Variants in NF2 observed in about 807,000 individuals in gnomAD.
NF2 encodes merlin.
In NF2, 8 loss-of-function variants were observed where a neutral mutation model predicts 83.7. The ratio of observed to expected loss-of-function variants is 0.10; its 90% CI spans 0.06 to 0.17. NF2 has a LOEUF of 0.17. Among genes scored for constraint, NF2 ranks in the 10% least tolerant of loss-of-function variants. The pLI is 1.00. For missense variants in NF2, 533 were observed against 744.4 expected (o/e 0.72, Z 3.31); for synonymous variants, 266 against 269.6 (o/e 0.99, Z 0.13).
In NF2 at chr22:29,675,041, T is replaced by C; in HGVS notation, c.1446+100T>C. The C allele has an allele frequency of 2.1e-5, 21 of 994,800 alleles. No individual in the cohort carries two copies. The South Asian group carries it at 3.0e-4, about 14-fold the overall frequency. 61.6% of individuals were successfully genotyped at this position (994,800 alleles called of 1,614,324 possible). ...TCTGGCGGTGCCTTCAGGGTGACCA[T>C]TCAGGCAAACACATGGCTGGATGAG... On this transcript the variant is annotated intron_variant, in intron 13 of 15. Transcript: ENST00000338641.
At chr22:29,640,745 C>A (rs557075539) in intron 3 of NF2, among the ~76,000 whole-genome samples, 28 of 145,996 alleles carry the variant, frequency 1.9e-4, no homozygotes, top group Non-Finnish European at 3.7e-4. Flanking sequence ...CCCCTAAATT[C>A]TTTTTAAAAA....
intron 15 of NF2, chr22:29,683,297 T>C (rs1188583389): frequency 6.2e-6 from 9 of 1,441,300 alleles, no homozygotes; most frequent in African/African-American, 1.4e-5. Context: ...GAGCATGTCA[T>C]GGGGCTGTAG....
intron 4 of NF2, among the ~76,000 whole-genome samples, chr22:29,646,812 G>A (rs1322274584): frequency 1.3e-5 from 2 of 152,148 alleles, no homozygotes; most frequent in Non-Finnish European, 2.9e-5. Context: ...GGGAGGCCAA[G>A]GAGGATGGAT....
At chr22:29,628,176 G>A (rs920357033) in intron 1 of NF2, among the ~76,000 whole-genome samples, 1 of 150,916 alleles carries the variant, frequency 6.6e-6, no homozygotes, top group Non-Finnish European at 1.5e-5. Context: ...GTGTGTGTGT[G>A]TGTGTGTGTA....
chr22:29,678,258 C>T lies in NF2; in HGVS notation c.1509C>T (p.Asp503=), dbSNP rs2067025973. The T allele has an allele frequency of 6.2e-7, 1 of 1,614,030 alleles. No homozygotes were observed. The highest frequency in any genetic ancestry group is 8.5e-7 in the Non-Finnish European group (1 of 1,180,008). Residue 503 remains aspartate, a synonymous_variant, in exon 14 of 16, where the codon GAC becomes GAT. Coordinates refer to ENST00000338641, the MANE Select transcript of NF2 (RefSeq NM_000268.4). Reference sequence around the variant, plus strand: ...TACCAAGCTTCAACCTCATTGGTGACAGCCTGTCTTTCGACTTCAAAGATA... The same window carrying T: ...TACCAAGCTTCAACCTCATTGGTGATAGCCTGTCTTTCGACTTCAAAGATA... ...PDIPSFNLIG[D]SLSFDFKDTD...
At chr22:29,646,131 A>G (rs907079792) in intron 4 of NF2, among the ~76,000 whole-genome samples, 16 of 152,338 alleles carry the variant, frequency 1.1e-4, no homozygotes, top group Admixed American at 2.6e-4. Flanking sequence ...CACTCAGTGT[A>G]GTCTTTCCAG....
At chr22:29,641,174 CT>C (rs1197037650) in intron 3 of NF2, among the ~76,000 whole-genome samples, 2 of 133,760 alleles carry the variant, frequency 1.5e-5, no homozygotes, top group Non-Finnish European at 3.3e-5. Flanking sequence ...TATAGCGTTG[CT>C]TTTTCCCCCC....
Position 29,697,129 on chromosome 22 carries a change from T to A in NF2, c.*2327T>A, listed in dbSNP as rs1305059641. 3 of 201,830 alleles carry A rather than the reference T, an allele frequency of 1.5e-5. No homozygotes were observed. The highest frequency in any genetic ancestry group is 3.1e-5 in the Non-Finnish European group (3 of 97,986). 12.5% of individuals were successfully genotyped at this position (201,830 alleles called of 1,614,324 possible). A position where few individuals can be genotyped will look rare whatever the true frequency, so the allele number is the denominator to read the frequency against. ...ACCATGCCCGGTCTCTTCTCAGTCT[T>A]GAAGCCCATCCCTGGATTTCCACCA... On this transcript the variant is annotated 3_prime_UTR_variant, in exon 16 of 16. Transcript: ENST00000338641.
chr22:29,629,847 C>T (rs912474980), intron 1 of NF2, among the ~76,000 whole-genome samples: 1 of 152,230 alleles, frequency 6.6e-6, no homozygotes, highest in Non-Finnish European at 1.5e-5. Flanking sequence ...TTGCTTCTCT[C>T]TTAGCTTTTT....
chr22:29,632,324 T>C (rs1453584250), intron 1 of NF2, among the ~76,000 whole-genome samples: 1 of 152,158 alleles, frequency 6.6e-6, no homozygotes, highest in East Asian at 1.9e-4. Flanking sequence ...ACTTACCTGC[T>C]TGCTCCTCTT....
chr22:29,623,085 G>T (rs1250758142), intron 1 of NF2, among the ~76,000 whole-genome samples: 3 of 151,566 alleles, frequency 2.0e-5, no homozygotes, highest in Non-Finnish European at 4.4e-5. Flanking sequence ...CAAGTAGCTG[G>T]GACTACAGGC....
At chr22:29,677,868 C>T (rs5997504) in intron 13 of NF2, among the ~76,000 whole-genome samples, 1 of 152,230 alleles carries the variant, frequency 6.6e-6, no homozygotes, top group Non-Finnish European at 1.5e-5. Flanking sequence ...GTCTTGTTTT[C>T]TGCATCTCCA....
intron 1 of NF2, among the ~76,000 whole-genome samples, chr22:29,618,918 C>T (rs1014777535): frequency 6.6e-6 from 1 of 152,142 alleles, no homozygotes; most frequent in African/African-American, 2.4e-5. Context: ...CCTAGGCTCC[C>T]TAGGACCAGG....
intron 15 of NF2, chr22:29,682,882 C>T (rs1056751873): frequency 6.2e-5 from 62 of 1,000,272 alleles, no homozygotes; most frequent in African/African-American, 4.4e-4. Context: ...GGAGAGACCC[C>T]GTTCCAAGCC....
At chr22:29,642,983 G>C (rs557134705) in intron 4 of NF2, among the ~76,000 whole-genome samples, 1 of 149,412 alleles carries the variant, frequency 6.7e-6, no homozygotes, top group Non-Finnish European at 1.5e-5. Flanking sequence ...TTACAAGACC[G>C]ATGAGAGGGT....
chr22:29,661,382 CCTGT>C, intron 8 of NF2, 43 bp downstream of exon 8: 1 of 1,610,380 alleles, frequency 6.2e-7, no homozygotes, highest in Non-Finnish European at 8.5e-7. Flanking sequence ...CAGATCTTTC[CCTGT>C]CTGCCCCCCT....
intron 15 of NF2, among the ~76,000 whole-genome samples, chr22:29,689,273 T>C (rs894691656): frequency 6.6e-6 from 1 of 151,962 alleles, no homozygotes; most frequent in Admixed American, 6.6e-5. Context: ...CCTCTTTGCT[T>C]ATTTGGAAGG....
At chr22:29,632,860 G>A (rs1601571617) in intron 1 of NF2, among the ~76,000 whole-genome samples, 1 of 152,204 alleles carries the variant, frequency 6.6e-6, no homozygotes, top group Admixed American at 6.5e-5. Context: ...AGGACAGTGA[G>A]TCACTTCACA....
chr22:29,631,239 G>A (rs1850795685), intron 1 of NF2, among the ~76,000 whole-genome samples: 1 of 152,190 alleles, frequency 6.6e-6, no homozygotes, highest in Admixed American at 6.5e-5. Context: ...GACCCAAGTG[G>A]CAGACCTGCT....
Sources: allele counts gnomAD v4.1 joint callset (sites outside exome capture counted in the v4.1 genomes callset), GRCh38; gene constraint gnomAD v4.1.1; transcripts MANE v1.5; gene names NCBI Gene and HGNC (gene_info 2026-07-23, HGNC 2026-07-21).